Variants in GATA6 observed in about 807,000 individuals in gnomAD.
GATA6 encodes transcription factor GATA-6.
Under a neutral mutation model 48.1 loss-of-function variants are expected in GATA6, and 11 were observed. The ratio of observed to expected loss-of-function variants is 0.23; its 90% CI spans 0.14 to 0.38. The LOEUF (loss-of-function observed/expected upper bound fraction) is 0.38. Ranked by LOEUF, GATA6 falls within the 10% of genes least tolerant of loss-of-function variation. The pLI is 1.00. For missense variants in GATA6, 795 were observed against 850.3 expected (o/e 0.93, Z 0.81); for synonymous variants, 419 against 396.1 (o/e 1.06, Z -0.69).
Position 22,200,763 on chromosome 18 carries a change from G to T in GATA6, c.1728G>T (p.Ser576=). The change falls in exon 7 of 7, where the codon TCG becomes TCT. Residue 576 remains serine, a synonymous_variant. Transcript: ENST00000269216. ...TCTACATAGGCGTCAGTCTCGCCTCGCCGGCCGAAGTCACGTCCTCCGTGC... is the reference window on the plus strand; with the variant it reads ...TCTACATAGGCGTCAGTCTCGCCTCTCCGGCCGAAGTCACGTCCTCCGTGC... ...DGLYIGVSLA[S]PAEVTSSVRP... 3.1e-6 allele frequency: 5 copies of T among 1,613,918 alleles called. No homozygotes were observed. The highest frequency in any genetic ancestry group is 4.2e-6 in the Non-Finnish European group (5 of 1,180,030).
At position 22,181,637 on chromosome 18, in the gene GATA6, T is replaced by C. The variant is rs897375080; in HGVS notation, c.1428+59T>C. 1.8e-5 allele frequency: 29 copies of C among 1,592,872 alleles called. No individual in the cohort carries two copies. The Admixed American group carries it at 2.2e-4, about 12-fold the overall frequency. On this transcript the variant is annotated intron_variant, in intron 4 of 6. Transcript: ENST00000269216. ...TTTAGTATCTGGTTTGTATGTGATA[T>C]CAGTTACAAAGAATCAGCAAATGAA...
intron 2 of GATA6, chr18:22,175,542 GAGA>G (rs1324631307): frequency 6.6e-6 from 1 of 152,178 alleles, no homozygotes; most frequent in Non-Finnish European, 1.5e-5. Context: ...TTTTAGGGCG[GAGA>G]AGAATAAACC....
At chr18:22,192,015 A>T (rs1411079452) in intron 6 of GATA6, among the ~76,000 whole-genome samples, 1 of 152,220 alleles carries the variant, frequency 6.6e-6, no homozygotes, top group Non-Finnish European at 1.5e-5. Context: ...ATTTTATTAA[A>T]CACAAGTATT....
intron 2 of GATA6, chr18:22,176,660 A>C (rs1397509604): frequency 1.4e-5 from 5 of 345,680 alleles, no homozygotes; most frequent in Non-Finnish European, 2.7e-5. Flanking sequence ...ACTCAAGCCG[A>C]CCTCCCCACC....
intron 2 of GATA6, among the ~76,000 whole-genome samples, chr18:22,175,283 T>C (rs1487907369): frequency 3.3e-5 from 5 of 152,180 alleles, no homozygotes; most frequent in Non-Finnish European, 7.3e-5. Context: ...AGTGGACTTT[T>C]AATTAAATTT....
chr18:22,201,794 T>G lies in GATA6; in HGVS notation c.*971T>G, dbSNP rs137914072. Reference sequence around the variant, plus strand: ...TGTGCTGGAAAAATTGCAACAACACTTTACTACCTAACGGATAGCATTTGT... The same window carrying G: ...TGTGCTGGAAAAATTGCAACAACACGTTACTACCTAACGGATAGCATTTGT... On this transcript the variant is annotated 3_prime_UTR_variant, in exon 7 of 7. Transcript: ENST00000269216. 207 of 152,756 alleles carry G rather than the reference T, an allele frequency of 1.4e-3. No individual in the cohort carries two copies. The highest frequency in any genetic ancestry group is 4.8e-3 in the African/African-American group (198 of 41,568). The allele number at this position is 152,756 out of a possible 1,614,324, so 9.5% of individuals were successfully genotyped here. A position where few individuals can be genotyped will look rare whatever the true frequency, so the allele number is the denominator to read the frequency against.
At chr18:22,192,378 AT>A (rs966423710) in intron 6 of GATA6, among the ~76,000 whole-genome samples, 5 of 152,068 alleles carry the variant, frequency 3.3e-5, no homozygotes, top group Middle Eastern at 3.4e-3. Context: ...TTTGCGTGGC[AT>A]TTTTTTTCAT....
chr18:22,172,353 C>G lies in GATA6; in HGVS notation c.1135+74C>G, dbSNP rs895462543. The G allele has an allele frequency of 2.0e-6, 3 of 1,495,694 alleles. No homozygotes were observed. Among genetic ancestry groups the G allele is most frequent in the Non-Finnish European group, 2.7e-6 (3 of 1,123,354 alleles). 92.7% of individuals were successfully genotyped at this position (1,495,694 alleles called of 1,614,324 possible). A position where few individuals can be genotyped will look rare whatever the true frequency, so the allele number is the denominator to read the frequency against. ...GCACGGGGGACGTGGAGCAGCTGCT[C>G]CACTCGGGCCCTGTTTTCAGGACTT... On this transcript the variant is annotated intron_variant, in intron 2 of 6. Coordinates refer to ENST00000269216, the MANE Select transcript of GATA6 (RefSeq NM_005257.6). The surrounding 1 kb of genome is among the most constrained non-coding windows in gnomAD (Gnocchi z 5.2).
chr18:22,190,382 C>T (rs941054762), intron 6 of GATA6, among the ~76,000 whole-genome samples: 3 of 152,144 alleles, frequency 2.0e-5, no homozygotes, highest in Non-Finnish European at 4.4e-5. Context: ...CCTTCTAATG[C>T]TGCGATTTAA....
Position 22,171,295 on chromosome 18 carries a change from G to T in GATA6, c.151G>T (p.Glu51Ter), listed in dbSNP as rs770662152. ...GTCCTCCTCCTGCTCCCGGGGCGGA[G>T]AGCGGGGCCCCGGCGGCGCCAGCAA... The part of the protein sequence containing the change: ...SSSSSCSRGG[E>*]RGPGGASNCG... The change falls in exon 2 of 7, where the codon GAG (glutamate) becomes TAG (stop). Residue 51 changes from glutamate to a stop codon, truncating the protein, a stop_gained. Transcript: ENST00000269216. LOFTEE classifies it high-confidence loss of function. The surrounding 1 kb of genome is among the most constrained non-coding windows in gnomAD (Gnocchi z 7.1). 10 of 1,593,216 alleles carry T rather than the reference G, an allele frequency of 6.3e-6. No homozygotes were observed. The highest frequency in any genetic ancestry group is 8.5e-6 in the Non-Finnish European group (10 of 1,175,990).
intron 6 of GATA6, among the ~76,000 whole-genome samples, chr18:22,186,454 A>T (rs2033263003): frequency 6.6e-6 from 1 of 152,202 alleles, no homozygotes; most frequent in South Asian, 2.1e-4. Flanking sequence ...GTTGTAGGAG[A>T]TCACCGGTAG....
At chr18:22,194,846 A>C (rs1233081370) in intron 6 of GATA6, among the ~76,000 whole-genome samples, 1 of 151,950 alleles carries the variant, frequency 6.6e-6, no homozygotes, top group African/African-American at 2.4e-5. Context: ...AGCTGTGCCA[A>C]CTCTGAACGC....
intron 6 of GATA6, among the ~76,000 whole-genome samples, chr18:22,187,208 C>T (rs536499560): frequency 2.0e-5 from 3 of 152,136 alleles, no homozygotes; most frequent in Non-Finnish European, 2.9e-5. Context: ...GGGCTGGGTG[C>T]GGTGGCTCAC....
rs375015752 is a variant in GATA6 at position 22,177,082 on chromosome 18, C to A, written c.1263C>A (p.Asn421Lys). 5.8e-6 allele frequency: 9 copies of A among 1,558,602 alleles called. No homozygotes were observed. The highest frequency in any genetic ancestry group is 1.9e-5 in the Admixed American group (1 of 52,394). ...CNACGLYSKM[N>K]GLSRPLIKPQ... ...CCTGCGGGCTCTACAGCAAGATGAACGGCCTCAGCCGGCCCCTCATCAAGC... is the reference window on the plus strand; with the variant it reads ...CCTGCGGGCTCTACAGCAAGATGAAAGGCCTCAGCCGGCCCCTCATCAAGC... Residue 421 changes from asparagine to lysine, a missense_variant, in exon 3 of 7, where the codon AAC (asparagine) becomes AAA (lysine). Physicochemically the swap from Asn to Lys is moderately conservative, Grantham distance 94. Coordinates refer to ENST00000269216, the MANE Select transcript of GATA6 (RefSeq NM_005257.6).
At chr18:22,194,573 A>G (rs2033366688) in intron 6 of GATA6, among the ~76,000 whole-genome samples, 1 of 152,196 alleles carries the variant, frequency 6.6e-6, no homozygotes, top group Admixed American at 6.5e-5. Flanking sequence ...GATGTCTGCG[A>G]TCTGAACTAA....
chr18:22,171,438 G>A lies in GATA6; in HGVS notation c.294G>A (p.Gly98=). 1 of 1,593,188 alleles carries A rather than the reference G, an allele frequency of 6.3e-7. No individual in the cohort carries two copies. Among genetic ancestry groups the A allele is most frequent in the East Asian group, 2.2e-5 (1 of 44,518 alleles). Reference sequence around the variant, plus strand: ...CTCCCCACGGACCTTCGGCGCCTGGGGTCGCGGGCCCCGGGGGCAACCTGT... The same window carrying A: ...CTCCCCACGGACCTTCGGCGCCTGGAGTCGCGGGCCCCGGGGGCAACCTGT... The part of the protein sequence containing the change: ...FGAPHGPSAP[G]VAGPGGNLSS... The change falls in exon 2 of 7, where the codon GGG becomes GGA. Residue 98 remains glycine, a synonymous_variant. Transcript: ENST00000269216. This position sits in a 1 kb window ranked among gnomAD's most constrained non-coding sequence, Gnocchi z 7.1.
Position 22,171,236 on chromosome 18 carries a change from A to T in GATA6, c.92A>T (p.Glu31Val), listed in dbSNP as rs749485622. 5 of 1,598,268 alleles carry T rather than the reference A, an allele frequency of 3.1e-6. No individual in the cohort carries two copies. In the South Asian group the frequency reaches 4.4e-5, roughly 14 times the overall value. ...ASDSRAFPAR[E>V]PSTPPSPISS... ...GACTCCAGAGCCTTTCCAGCGCGGG[A>T]GCCCTCCACGCCGCCTTCCCCCATC... The change falls in exon 2 of 7, where the codon GAG (glutamate) becomes GTG (valine). Residue 31 changes from glutamate (E) to valine (V), a missense_variant. Around this residue, in one of 5 missense-constraint regions of GATA6, gnomAD observed 591 missense variants for 570.0 expected, o/e 1.04. Coordinates refer to ENST00000269216, the MANE Select transcript of GATA6 (RefSeq NM_005257.6). This position sits in a 1 kb window ranked among gnomAD's most constrained non-coding sequence, Gnocchi z 7.1.
Position 22,171,906 on chromosome 18 carries a change from A to G in GATA6, c.762A>G (p.Ser254=), listed in dbSNP as rs1275066172. The G allele has an allele frequency of 5.9e-5, 68 of 1,161,326 alleles. No individual in the cohort carries two copies. The highest frequency in any genetic ancestry group is 8.1e-5 in the East Asian group (2 of 24,632). The allele number at this position is 1,161,326 out of a possible 1,614,324, so 71.9% of individuals were successfully genotyped here. Residue 254 remains serine, a synonymous_variant, in exon 2 of 7, where the codon TCA becomes TCG. Coordinates refer to ENST00000269216, the MANE Select transcript of GATA6 (RefSeq NM_005257.6). The surrounding 1 kb of genome is among the most constrained non-coding windows in gnomAD (Gnocchi z 7.1). ...GGAAGPGGAG[S]AAAHVSARFP... ...CCGCGGGGCCTGGCGGCGCTGGCTC[A>G]GCCGCGGCGCACGTCTCGGCGCGCT...
chr18:22,180,481 T>C (rs2033178896), intron 3 of GATA6, among the ~76,000 whole-genome samples: 1 of 152,114 alleles, frequency 6.6e-6, no homozygotes, highest in Non-Finnish European at 1.5e-5. Flanking sequence ...TAATACCAAT[T>C]AACCCTTTGC....
Sources: gnomAD v4.1 joint callset for allele counts (sites outside exome capture counted in the v4.1 genomes callset) on GRCh38, gnomAD v4.1.1 for gene constraint, gnomAD v4.1.1 regional missense constraint, Gnocchi (gnomAD v3.1) non-coding constraint, MANE v1.5 for transcripts, NCBI Gene and HGNC (gene_info 2026-07-23, HGNC 2026-07-21) for gene names.